Variants in POLE4 observed in about 807,000 individuals in gnomAD.
POLE4 encodes the protein DNA polymerase epsilon 4, accessory subunit.
In POLE4, 15 loss-of-function variants were observed where a neutral mutation model predicts 15.6. The observed-to-expected ratio is 0.96, with a 90% CI of 0.64 to 1.48. The LOEUF is 1.48. Ranked by LOEUF, POLE4 falls within the 40% of genes most tolerant of loss-of-function variation. The pLI is 0.00. For missense variants in POLE4, 205 were observed against 151.9 expected, an observed-to-expected ratio of 1.35 and a Z score of -1.84; for synonymous variants, 83 against 63.2, an observed-to-expected ratio of 1.31 and a Z score of -1.49.
At chr2:74,958,969 G>A in intron 1 of POLE4, 77 bp downstream of exon 1, 1 of 1,364,860 alleles carries the variant, frequency 7.3e-7, no homozygotes, top group Non-Finnish European at 1.0e-6. Flanking sequence ...TCCCGCGGGC[G>A]GGGCTTAGGG....
At chr2:74,961,871 T>G (rs771170008) in intron 3 of POLE4, among the ~76,000 whole-genome samples, 5 of 152,208 alleles carry the variant, frequency 3.3e-5, no homozygotes, top group Non-Finnish European at 7.3e-5. Context: ...CTGGGTAAAA[T>G]AAATGTTCTT....
intron 2 of POLE4, 28 bp from the exon 3 acceptor site, chr2:74,960,077 T>C (rs1558827048): frequency 6.2e-7 from 1 of 1,609,596 alleles, no homozygotes; most frequent in Admixed American, 1.7e-5. Flanking sequence ...CTGAAGTTAG[T>C]CAGGTGTCTC....
intron 3 of POLE4, among the ~76,000 whole-genome samples, chr2:74,968,327 A>T (rs530230567): frequency 1.3e-5 from 2 of 152,152 alleles, no homozygotes; most frequent in Non-Finnish European, 2.9e-5. Flanking sequence ...CATTAAAAAA[A>T]GTTTTGGTAT....
intron 3 of POLE4, among the ~76,000 whole-genome samples, chr2:74,967,117 C>G (rs536810433): frequency 1.3e-5 from 2 of 152,188 alleles, no homozygotes; most frequent in South Asian, 2.1e-4. Flanking sequence ...TAATGTCTTT[C>G]ATCTGTCCTG....
At chr2:74,960,258 C>A in intron 3 of POLE4, 112 bp downstream of exon 3, 1 of 896,906 alleles carries the variant, frequency 1.1e-6, no homozygotes, top group South Asian at 1.4e-5. Flanking sequence ...GGATAATTCT[C>A]CGCACTTGCT....
intron 3 of POLE4, among the ~76,000 whole-genome samples, chr2:74,968,305 T>C (rs1247243250): frequency 6.6e-6 from 1 of 152,218 alleles, no homozygotes; most frequent in Non-Finnish European, 1.5e-5. Flanking sequence ...ATTTTCCCTA[T>C]ATTATCTAGG....
At chr2:74,961,564 TTTG>T (rs1671221056) in intron 3 of POLE4, 1 of 152,214 alleles carries the variant, frequency 6.6e-6, no homozygotes, top group Non-Finnish European at 1.5e-5. Context: ...TATGATCAGA[TTTG>T]TATTTTAAGT....
intron 3 of POLE4, among the ~76,000 whole-genome samples, chr2:74,966,298 T>A (rs1020720108): frequency 6.6e-6 from 1 of 152,212 alleles, no homozygotes; most frequent in African/African-American, 2.4e-5. Context: ...TGTCATGTAT[T>A]TTTGTTTTGT....
intron 3 of POLE4, 129 bp from the exon 4 acceptor site, chr2:74,969,280 A>C (rs1671335327): frequency 2.4e-6 from 2 of 823,432 alleles, no homozygotes; most frequent in Non-Finnish European, 4.3e-6. Context: ...TCATCCTCAA[A>C]ATTAGTATTT....
chr2:74,968,626 G>GT (rs397937933), intron 3 of POLE4, among the ~76,000 whole-genome samples: 2,959 of 135,766 alleles, frequency 0.022, 58 homozygotes, highest in East Asian at 0.058. Flanking sequence ...TGTGATCTTT[G>GT]TTTTTTTTTT....
chr2:74,960,490 G>T (rs987724598), intron 3 of POLE4: 2 of 462,700 alleles, frequency 4.3e-6, no homozygotes, highest in East Asian at 1.1e-4. Flanking sequence ...AGAAACAATT[G>T]TTAACATTTA....
At chr2:74,963,078 A>G (rs1671247655) in intron 3 of POLE4, among the ~76,000 whole-genome samples, 1 of 152,218 alleles carries the variant, frequency 6.6e-6, no homozygotes, top group African/African-American at 2.4e-5. Flanking sequence ...CCTATTATAA[A>G]CAATTTGCTG....
intron 3 of POLE4, among the ~76,000 whole-genome samples, chr2:74,964,976 A>AT (rs1288185315): frequency 2.6e-5 from 4 of 151,970 alleles, no homozygotes; most frequent in South Asian, 2.1e-4. Flanking sequence ...TTTTATGTAG[A>AT]TTTTTTAACA....
chr2:74,958,846 T>G lies in POLE4; in HGVS notation c.167T>G (p.Val56Gly), dbSNP rs1671166307. 1 of 1,561,368 alleles carries G rather than the reference T, an allele frequency of 6.4e-7. No homozygotes were observed. The stretch of plus-strand genomic sequence containing the variant: ...GCCTTGGTGAAGGCAGATCCCGACG[T>G]GACGCTAGCGGGACAGGAAGCCATC... ...VKALVKADPD[V>G]TLAGQEAIFI... Residue 56 changes from valine (V) to glycine (G), a missense_variant, in exon 1 of 4, where the codon GTG becomes GGG. Coordinates refer to ENST00000483063, the MANE Select transcript of POLE4 (RefSeq NM_019896.4).
At chr2:74,961,995 G>A (rs1309018710) in intron 3 of POLE4, among the ~76,000 whole-genome samples, 4 of 152,042 alleles carry the variant, frequency 2.6e-5, no homozygotes, top group South Asian at 4.1e-4. Flanking sequence ...TACAGCTGCC[G>A]TCCACCCACT....
At chr2:74,959,743 G>T (rs2287103) in intron 2 of POLE4, 309,124 of 411,442 alleles carry the variant, frequency 0.75, 117,883 homozygotes, top group African/African-American at 0.91. Flanking sequence ...GTCTGGCTGG[G>T]AACCCTCACC....
intron 3 of POLE4, among the ~76,000 whole-genome samples, chr2:74,967,141 G>A (rs555012476): frequency 2.0e-5 from 3 of 152,132 alleles, no homozygotes; most frequent in East Asian, 1.9e-4. Context: ...AATTCTCAGC[G>A]AGTGTCTCTT....
At position 74,958,972 on chromosome 2, in the gene POLE4, G is replaced by A. The variant is rs1037981009; in HGVS notation, c.213+80G>A. 52 of 1,332,734 alleles carry A rather than the reference G, an allele frequency of 3.9e-5. No homozygotes were observed. In the Middle Eastern group the frequency reaches 8.1e-4, roughly 21 times the overall value. The allele number at this position is 1,332,734 out of a possible 1,614,324, so 82.6% of individuals were successfully genotyped here. On this transcript the variant is annotated intron_variant, in intron 1 of 3. Transcript: ENST00000483063. ...GGCCTCGGGGCCTCCCGCGGGCGGG[G>A]CTTAGGGCGGCGTGGCCCGGGTTTT...
At chr2:74,961,440 A>G (rs1005114088) in intron 3 of POLE4, 1 of 152,180 alleles carries the variant, frequency 6.6e-6, no homozygotes, top group Non-Finnish European at 1.5e-5. Context: ...TGTTAGTCCT[A>G]CCTAAGGCAG....
Sources: gnomAD v4.1 joint callset for allele counts (sites outside exome capture counted in the v4.1 genomes callset) on GRCh38, gnomAD v4.1.1 for gene constraint, MANE v1.5 for transcripts, NCBI Gene and HGNC (gene_info 2026-07-23, HGNC 2026-07-21) for gene names.